Variants in OPCML observed in about 807,000 individuals in gnomAD.
OPCML encodes the protein opioid binding protein/cell adhesion molecule like, also known as opioid-binding protein/cell adhesion molecule.
A neutral mutation model predicts 37.8 loss-of-function variants in OPCML; 13 were observed. The ratio of observed to expected loss-of-function variants is 0.34; its 90% confidence interval spans 0.22 to 0.55. The LOEUF (loss-of-function observed/expected upper bound fraction) is 0.55, where lower values mean the gene tolerates loss of function less well. OPCML is among the 20% of genes least tolerant of loss of function. The probability of loss-of-function intolerance (pLI) is 0.91; values close to 1 mark genes in which losing one functional copy is unlikely to be tolerated. For missense variants in OPCML, 341 were observed against 435.6 expected, an observed-to-expected ratio of 0.78 and a Z score of 1.93; for synonymous variants, 176 against 168.8, an observed-to-expected ratio of 1.04 and a Z score of -0.33.
chr11:133,168,916 G>A (rs1950250580), intron 1 of OPCML, among the ~76,000 whole-genome samples: 1 of 144,848 alleles, frequency 6.9e-6, no homozygotes, highest in African/African-American at 2.5e-5. Flanking sequence ...GTCACCTGAG[G>A]TCAGGAGTTC....
chr11:133,394,980 C>A (rs1945255238), intron 1 of OPCML, among the ~76,000 whole-genome samples: 1 of 152,218 alleles, frequency 6.6e-6, no homozygotes, highest in African/African-American at 2.4e-5. Flanking sequence ...TACTAATTTA[C>A]ATTCCCACTG....
At chr11:132,842,626 T>C (rs1291976387) in intron 2 of OPCML, among the ~76,000 whole-genome samples, 1 of 152,234 alleles carries the variant, frequency 6.6e-6, no homozygotes, top group South Asian at 2.1e-4. Flanking sequence ...TCAGAGTTTT[T>C]TCTCCTCTAG....
Position 133,532,451 on chromosome 11 carries a change from C to G in OPCML, c.-127G>C. On this transcript the variant is annotated 5_prime_UTR_variant, in exon 1 of 8. Coordinates refer to ENST00000524381, the MANE Select transcript of OPCML (RefSeq NM_001012393.5). Reference sequence around the variant, plus strand: ...AATGTTTGCAAAGGGAGGGAGAGAGCAGAAGAGAGAGAGAGCGCGCGAGAG... The same window carrying G: ...AATGTTTGCAAAGGGAGGGAGAGAGGAGAAGAGAGAGAGAGCGCGCGAGAG... The G allele has an allele frequency of 8.5e-7, 1 of 1,181,336 alleles. No individual in the cohort carries two copies. Among genetic ancestry groups the G allele is most frequent in the Non-Finnish European group, 1.2e-6 (1 of 820,554 alleles). 73.2% of individuals were successfully genotyped at this position (1,181,336 alleles called of 1,614,324 possible).
chr11:132,509,604 G>A (rs2096264505), intron 4 of OPCML, among the ~76,000 whole-genome samples: 1 of 152,210 alleles, frequency 6.6e-6, no homozygotes, highest in South Asian at 2.1e-4. Context: ...TGGCTGAAAG[G>A]GGCACATGTA....
intron 3 of OPCML, among the ~76,000 whole-genome samples, chr11:132,556,074 G>C (rs552954960): frequency 6.6e-6 from 1 of 151,938 alleles, no homozygotes; most frequent in Non-Finnish European, 1.5e-5. Flanking sequence ...AAGTAGCTGC[G>C]TCTACAGGTG....
chr11:132,550,694 C>A (rs2096379611), intron 3 of OPCML, among the ~76,000 whole-genome samples: 1 of 152,218 alleles, frequency 6.6e-6, no homozygotes, highest in African/African-American at 2.4e-5. Flanking sequence ...TCTGGAAGCA[C>A]AGAGCATGTG....
intron 2 of OPCML, among the ~76,000 whole-genome samples, chr11:132,897,795 G>A (rs1016477895): frequency 6.6e-6 from 1 of 152,124 alleles, no homozygotes; most frequent in African/African-American, 2.4e-5. Context: ...TCACAGGCTG[G>A]ATGGTCAGGG....
chr11:132,874,940 C>T (rs774556902), intron 2 of OPCML, among the ~76,000 whole-genome samples: 4 of 152,142 alleles, frequency 2.6e-5, no homozygotes, highest in Admixed American at 6.6e-5. Flanking sequence ...TCCTCACCAC[C>T]CATCAGAAAT....
At chr11:132,687,737 T>C (rs1943228373) in intron 2 of OPCML, among the ~76,000 whole-genome samples, 1 of 152,064 alleles carries the variant, frequency 6.6e-6, no homozygotes, top group South Asian at 2.1e-4. Context: ...ATTGAAGTAC[T>C]AAGTAACAAG....
chr11:133,270,319 G>A (rs1381442428), intron 1 of OPCML, among the ~76,000 whole-genome samples: 1 of 152,018 alleles, frequency 6.6e-6, no homozygotes, highest in Non-Finnish European at 1.5e-5. Context: ...AGCTAGATGG[G>A]AAATTATTCT....
intron 2 of OPCML, among the ~76,000 whole-genome samples, chr11:132,683,741 G>C (rs980802881): frequency 2.0e-5 from 3 of 152,136 alleles, no homozygotes; most frequent in Non-Finnish European, 2.9e-5. Context: ...GAGTGATACT[G>C]ATGCTGACTC....
intron 1 of OPCML, among the ~76,000 whole-genome samples, chr11:133,311,191 A>G (rs1003498935): frequency 2.6e-5 from 4 of 152,206 alleles, no homozygotes; most frequent in African/African-American, 9.7e-5. Context: ...ACATCATTTT[A>G]AAGCATTGCT....
intron 1 of OPCML, among the ~76,000 whole-genome samples, chr11:133,159,094 G>C (rs1470973055): frequency 6.6e-6 from 1 of 152,204 alleles, no homozygotes; most frequent in Non-Finnish European, 1.5e-5. Flanking sequence ...GCACTCCCAA[G>C]CTAATGGAAA....
intron 4 of OPCML, among the ~76,000 whole-genome samples, chr11:132,492,287 G>T (rs1485657641): frequency 6.6e-6 from 1 of 151,986 alleles, no homozygotes; most frequent in Admixed American, 6.6e-5. Context: ...GAGAAACAAA[G>T]GTAACAGTTA....
At chr11:133,464,968 G>C (rs974759133) in intron 1 of OPCML, among the ~76,000 whole-genome samples, 1 of 152,150 alleles carries the variant, frequency 6.6e-6, no homozygotes, top group African/African-American at 2.4e-5. Context: ...TGAGGGGCTA[G>C]ACACAGTAAA....
At chr11:132,895,899 G>A (rs1943821647) in intron 2 of OPCML, among the ~76,000 whole-genome samples, 1 of 152,074 alleles carries the variant, frequency 6.6e-6, no homozygotes, top group Non-Finnish European at 1.5e-5. Context: ...AGGAGGAGGT[G>A]TGCCATGTTC....
chr11:132,437,798 G>GT (rs1348466747), intron 4 of OPCML, among the ~76,000 whole-genome samples: 1 of 152,176 alleles, frequency 6.6e-6, no homozygotes, highest in Non-Finnish European at 1.5e-5. Flanking sequence ...TTGTAGAAAT[G>GT]TTTTTGTATG....
At chr11:132,805,303 A>G (rs1437081405) in intron 2 of OPCML, among the ~76,000 whole-genome samples, 1 of 152,202 alleles carries the variant, frequency 6.6e-6, no homozygotes, top group African/African-American at 2.4e-5. Context: ...TCAGGGAAAT[A>G]CAGAATGCTA....
intron 1 of OPCML, among the ~76,000 whole-genome samples, chr11:133,210,303 G>GA (rs1939299743): frequency 6.6e-6 from 1 of 152,120 alleles, no homozygotes; most frequent in Admixed American, 6.5e-5. Context: ...CAGAACATCA[G>GA]AAAAATGAAG....
Sources: allele counts gnomAD v4.1 joint callset (sites outside exome capture counted in the v4.1 genomes callset), GRCh38; gene constraint gnomAD v4.1.1; transcripts MANE v1.5; gene names NCBI Gene and HGNC (gene_info 2026-07-23, HGNC 2026-07-21).